Variants in PCDH9 observed in about 807,000 individuals in gnomAD.
PCDH9 encodes the protein protocadherin 9.
A neutral mutation model predicts 70.6 loss-of-function variants in PCDH9; 24 were observed. That is an observed-to-expected ratio of 0.34 (90% CI 0.25 to 0.48). PCDH9 has a LOEUF of 0.48. PCDH9 is among the 20% of genes least tolerant of loss of function. The pLI is 0.99. For missense variants in PCDH9, 1,281 were observed against 1,503.6 expected, an observed-to-expected ratio of 0.85 and a Z score of 2.45; for synonymous variants, 562 against 558.5, an observed-to-expected ratio of 1.01 and a Z score of -0.09.
chr13:66,569,225 C>G (rs1436919533), intron 4 of PCDH9, among the ~76,000 whole-genome samples: 6 of 151,762 alleles, frequency 4.0e-5, no homozygotes, highest in Non-Finnish European at 8.8e-5. Context: ...ACCATGTTGG[C>G]CAGGCTTGTC....
intron 3 of PCDH9, among the ~76,000 whole-genome samples, chr13:66,750,223 C>CTAT (rs1430989910): frequency 2.6e-5 from 4 of 151,966 alleles, no homozygotes; most frequent in Non-Finnish European, 5.9e-5. Context: ...CAAATATTCG[C>CTAT]TAATAGAAGA....
chr13:66,609,816 CTTCA>C (rs1383294509), intron 4 of PCDH9, among the ~76,000 whole-genome samples: 3 of 152,022 alleles, frequency 2.0e-5, no homozygotes, highest in Non-Finnish European at 2.9e-5. Context: ...AATGCTAGTA[CTTCA>C]TTCATAAAAA....
intron 3 of PCDH9, among the ~76,000 whole-genome samples, chr13:66,865,779 A>G (rs928926378): frequency 6.6e-6 from 1 of 152,226 alleles, no homozygotes; most frequent in Non-Finnish European, 1.5e-5. Flanking sequence ...AGTTACTTCC[A>G]AAGTAAACTC....
chr13:66,930,249 G>A (rs1009365725), intron 2 of PCDH9, among the ~76,000 whole-genome samples: 3 of 152,046 alleles, frequency 2.0e-5, no homozygotes, highest in Admixed American at 1.3e-4. Context: ...CTCAAAGATC[G>A]TTTTGTGTAA....
chr13:66,540,280 T>C (rs1960898335), intron 4 of PCDH9, among the ~76,000 whole-genome samples: 1 of 152,132 alleles, frequency 6.6e-6, no homozygotes, highest in Admixed American at 6.6e-5. Context: ...CATTTACATA[T>C]TCATGAAGGA....
intron 2 of PCDH9, among the ~76,000 whole-genome samples, chr13:67,085,876 A>C (rs998165423): frequency 3.9e-5 from 6 of 152,308 alleles, no homozygotes; most frequent in Admixed American, 1.3e-4. Flanking sequence ...CTATAGCCTC[A>C]TTATTTATAC....
chr13:66,419,415 C>G (rs1047708193), intron 4 of PCDH9, among the ~76,000 whole-genome samples: 5 of 151,764 alleles, frequency 3.3e-5, no homozygotes, highest in African/African-American at 1.2e-4. Flanking sequence ...CGAGACAAAC[C>G]CAGAAGGTGG....
At chr13:66,644,698 C>CA (rs1271449231) in intron 3 of PCDH9, among the ~76,000 whole-genome samples, 1 of 151,326 alleles carries the variant, frequency 6.6e-6, no homozygotes, top group East Asian at 1.9e-4. Context: ...ACATATATTT[C>CA]AAAAAAAAGT....
intron 3 of PCDH9, among the ~76,000 whole-genome samples, chr13:66,631,702 T>C (rs949811571): frequency 3.9e-5 from 6 of 152,140 alleles, no homozygotes; most frequent in Admixed American, 1.3e-4. Flanking sequence ...ACAAAACTTA[T>C]ACTGTCGACA....
At chr13:66,818,230 C>A (rs2080643470) in intron 3 of PCDH9, among the ~76,000 whole-genome samples, 1 of 151,900 alleles carries the variant, frequency 6.6e-6, no homozygotes, top group African/African-American at 2.4e-5. Context: ...CTAGCTTGGG[C>A]AAATGAGAAA....
rs373075106 is a variant in PCDH9 at position 67,064,378 on chromosome 13, G to A, written c.3037-160773C>T. On this transcript the variant is annotated intron_variant, in intron 2 of 4. Coordinates refer to ENST00000377865, the MANE Select transcript of PCDH9 (RefSeq NM_203487.3). ...ATAGAGACAATCAGCCTGCGTACCA[G>A]TGCAAGAGCCTAAAATATTTTCTAG... 3.5e-4 allele frequency among the ~76,000 whole-genome samples: 54 copies of A among 152,184 alleles called. No homozygotes were observed. The South Asian group carries it at 0.011, about 31-fold the overall frequency.
At chr13:66,905,414 G>T (rs938000554) in intron 2 of PCDH9, among the ~76,000 whole-genome samples, 2 of 152,130 alleles carry the variant, frequency 1.3e-5, no homozygotes, top group Non-Finnish European at 2.9e-5. Flanking sequence ...CACCTGGGGA[G>T]ATTTTTAAAA....
At chr13:66,702,965 TA>T (rs906408023) in intron 3 of PCDH9, among the ~76,000 whole-genome samples, 1 of 152,162 alleles carries the variant, frequency 6.6e-6, no homozygotes, top group Non-Finnish European at 1.5e-5. Context: ...ATGCCAAAAA[TA>T]TATATTGATC....
intron 4 of PCDH9, among the ~76,000 whole-genome samples, chr13:66,465,377 A>G (rs1040404707): frequency 1.3e-5 from 2 of 151,932 alleles, no homozygotes; most frequent in Non-Finnish European, 2.9e-5. Context: ...TGAATCTAGC[A>G]GTATTTATAA....
At chr13:66,431,623 C>G (rs1957771798) in intron 4 of PCDH9, among the ~76,000 whole-genome samples, 1 of 151,978 alleles carries the variant, frequency 6.6e-6, no homozygotes, top group African/African-American at 2.4e-5. Context: ...CATGAACATA[C>G]ATGTATTTAA....
intron 3 of PCDH9, among the ~76,000 whole-genome samples, chr13:66,835,163 T>C (rs1337195163): frequency 2.0e-5 from 3 of 152,192 alleles, no homozygotes; most frequent in Non-Finnish European, 2.9e-5. Context: ...CTAGTTCCAA[T>C]GGGAAACAAT....
chr13:67,143,430 C>A (rs1281249367), intron 2 of PCDH9, among the ~76,000 whole-genome samples: 1 of 152,162 alleles, frequency 6.6e-6, no homozygotes, highest in Non-Finnish European at 1.5e-5. Flanking sequence ...GTTCTGGTCA[C>A]AATGACTTCA....
At chr13:66,694,268 T>C (rs1033325326) in intron 3 of PCDH9, among the ~76,000 whole-genome samples, 3 of 152,208 alleles carry the variant, frequency 2.0e-5, no homozygotes, top group Admixed American at 6.5e-5. Flanking sequence ...TAATAGTGGC[T>C]GTGCACAGCA....
chr13:67,158,671 C>T (rs1268550467), intron 2 of PCDH9, among the ~76,000 whole-genome samples: 1 of 152,190 alleles, frequency 6.6e-6, no homozygotes, highest in Non-Finnish European at 1.5e-5. Context: ...GACTCCAGAA[C>T]TGTGAGAAAT....
Sources: allele counts gnomAD v4.1 joint callset (sites outside exome capture counted in the v4.1 genomes callset), GRCh38; gene constraint gnomAD v4.1.1; transcripts MANE v1.5; gene names NCBI Gene and HGNC (gene_info 2026-07-23, HGNC 2026-07-21).